Variants in UNC13C observed in about 807,000 individuals in gnomAD.
The protein encoded by UNC13C is unc-13 homolog C.
In UNC13C, 174 loss-of-function variants were observed where a neutral mutation model predicts 245.4. That is an observed-to-expected ratio of 0.71 (90% CI 0.63 to 0.80). The LOEUF is 0.80. UNC13C is among the 30% of genes least tolerant of loss of function. The pLI is 0.00. For missense variants in UNC13C, 2,829 were observed against 2,602.9 expected (o/e 1.09, Z -1.89); for synonymous variants, 992 against 895.1 (o/e 1.11, Z -1.93).
Position 54,388,906 on chromosome 15 carries a change from C to G in UNC13C, c.4714-4142C>G, listed in dbSNP as rs2039895084. Among the ~76,000 whole-genome samples the G allele has an allele frequency of 2.6e-5, 4 of 152,064 alleles. No individual in the cohort carries two copies. In the South Asian group the frequency reaches 8.3e-4, roughly 32 times the overall value. ...GGTCTACCTAATTACCTTCTAGATTCCTCCTTTTCTCTTTCTCACCCATTA... is the reference window on the plus strand; with the variant it reads ...GGTCTACCTAATTACCTTCTAGATTGCTCCTTTTCTCTTTCTCACCCATTA... On this transcript the variant is annotated intron_variant, in intron 17 of 32. Coordinates refer to ENST00000260323, the MANE Select transcript of UNC13C (RefSeq NM_001080534.3).
At position 54,476,124 on chromosome 15, in the gene UNC13C, T is replaced by C. The variant is rs996206769; in HGVS notation, c.4934-18484T>C. ...ATGTCTTCTTTTGAGAAGTGTCTGT[T>C]CATGTCCTTTGCCCACTTTTTGATG... On this transcript the variant is annotated intron_variant, in intron 19 of 32. Coordinates refer to ENST00000260323, the MANE Select transcript of UNC13C (RefSeq NM_001080534.3). Among the ~76,000 whole-genome samples, 11 of 114,820 alleles carry C rather than the reference T, an allele frequency of 9.6e-5. 1 individual carries two copies. The highest frequency in any genetic ancestry group is 2.7e-4 in the Admixed American group (3 of 10,938). The allele number at this position is 114,820 out of a possible 152,430, so 75.3% of individuals were successfully genotyped here. A position where few individuals can be genotyped will look rare whatever the true frequency, so the allele number is the denominator to read the frequency against.
chr15:54,261,575 C>G (rs547183770), intron 8 of UNC13C, among the ~76,000 whole-genome samples: 1 of 151,756 alleles, frequency 6.6e-6, no homozygotes, highest in South Asian at 2.1e-4. Context: ...CGGAGTCTCG[C>G]TCTGTCGCCC....
At chr15:54,429,098 T>C (rs2140972053) in intron 19 of UNC13C, among the ~76,000 whole-genome samples, 1 of 151,902 alleles carries the variant, frequency 6.6e-6, no homozygotes, top group South Asian at 2.1e-4. Context: ...TTATTATATT[T>C]ACGGAGTTGT....
chr15:54,511,466 A>G (rs1355418148), intron 23 of UNC13C, among the ~76,000 whole-genome samples: 1 of 152,194 alleles, frequency 6.6e-6, no homozygotes, highest in Non-Finnish European at 1.5e-5. Flanking sequence ...CTTACTTTCT[A>G]AGTATGAAAT....
At chr15:54,027,791 T>A (rs1896179429) in intron 2 of UNC13C, among the ~76,000 whole-genome samples, 1 of 151,898 alleles carries the variant, frequency 6.6e-6, no homozygotes, top group Non-Finnish European at 1.5e-5. Flanking sequence ...TTTCCTTTTT[T>A]TTTTTTTTTC....
At chr15:53,840,696 A>G in the UNC13C span, among the ~76,000 whole-genome samples, 4 of 152,202 alleles carry the variant, frequency 2.6e-5, no homozygotes, top group African/African-American at 4.8e-5. Flanking sequence ...CATTTTGACT[A>G]TGAATAAAGG....
intron 8 of UNC13C, among the ~76,000 whole-genome samples, chr15:54,254,779 G>A (rs1355443040): frequency 6.6e-6 from 1 of 152,128 alleles, no homozygotes; most frequent in Non-Finnish European, 1.5e-5. Flanking sequence ...CAATCCTAGG[G>A]GGAAGAAAAG....
intron 17 of UNC13C, 96 bp from the exon 18 acceptor site, chr15:54,392,952 A>G: frequency 7.4e-7 from 1 of 1,352,490 alleles, no homozygotes; most frequent in Non-Finnish European, 9.7e-7. Context: ...TCATTTCCAC[A>G]ATCATTTTTC....
chr15:53,856,332 C>T, the UNC13C span, among the ~76,000 whole-genome samples: 2 of 150,176 alleles, frequency 1.3e-5, no homozygotes, highest in African/African-American at 4.9e-5. Context: ...TTTTTCTTGT[C>T]TTCTGTTAGT....
At chr15:54,174,155 T>C (rs2033523667) in intron 4 of UNC13C, among the ~76,000 whole-genome samples, 1 of 152,160 alleles carries the variant, frequency 6.6e-6, no homozygotes, top group Non-Finnish European at 1.5e-5. Context: ...AATTGGTCGC[T>C]AGTTCTCTTT....
chr15:54,270,409 C>G (rs1361523790), intron 10 of UNC13C, among the ~76,000 whole-genome samples: 1 of 151,976 alleles, frequency 6.6e-6, no homozygotes, highest in Non-Finnish European at 1.5e-5. Flanking sequence ...TTTAGCTTGT[C>G]TAATATGAAA....
chr15:54,264,960 G>C (rs773307576), intron 9 of UNC13C, among the ~76,000 whole-genome samples: 3 of 151,934 alleles, frequency 2.0e-5, no homozygotes, highest in Non-Finnish European at 2.9e-5. Context: ...ACTATGTAGA[G>C]TTGATCAATA....
At chr15:54,162,571 T>A (rs763290112) in intron 4 of UNC13C, among the ~76,000 whole-genome samples, 22 of 152,218 alleles carry the variant, frequency 1.4e-4, no homozygotes, top group Non-Finnish European at 2.9e-4. Flanking sequence ...ACCAGAGTCC[T>A]GCTTTTACAT....
chr15:54,459,400 C>A (rs916636305), intron 19 of UNC13C, among the ~76,000 whole-genome samples: 1 of 152,096 alleles, frequency 6.6e-6, no homozygotes. Context: ...TGATGAATTT[C>A]CCAGGTGTTC....
intron 19 of UNC13C, chr15:54,416,890 A>T (rs1216375721): frequency 2.2e-6 from 1 of 456,466 alleles, no homozygotes. Context: ...CTACAGTAAA[A>T]GTTTATTCCT....
At chr15:53,955,393 AG>A in the UNC13C span, among the ~76,000 whole-genome samples, 1 of 152,204 alleles carries the variant, frequency 6.6e-6, no homozygotes, top group African/African-American at 2.4e-5. Flanking sequence ...AAAAATTATG[AG>A]ATGGGGTTAT....
At chr15:54,024,758 C>CA (rs1324114711) in intron 2 of UNC13C, among the ~76,000 whole-genome samples, 5 of 151,754 alleles carry the variant, frequency 3.3e-5, no homozygotes, top group East Asian at 1.9e-4. Flanking sequence ...TCTAAAAACA[C>CA]AAAAAAATTA....
the UNC13C span, among the ~76,000 whole-genome samples, chr15:53,874,401 A>T: frequency 1.3e-5 from 2 of 152,210 alleles, no homozygotes; most frequent in Non-Finnish European, 2.9e-5. Context: ...ACACATGTGG[A>T]AAGTGGCAGT....
At chr15:54,524,061 G>C (rs1450332793) in intron 24 of UNC13C, among the ~76,000 whole-genome samples, 2 of 152,164 alleles carry the variant, frequency 1.3e-5, no homozygotes, top group South Asian at 2.1e-4. Flanking sequence ...TAGGCAAATT[G>C]TGATTAAATT....
Sources: allele counts gnomAD v4.1 joint callset (sites outside exome capture counted in the v4.1 genomes callset), GRCh38; gene constraint gnomAD v4.1.1; transcripts MANE v1.5; gene names NCBI Gene and HGNC (gene_info 2026-07-23, HGNC 2026-07-21).